Variants in ELAC1 observed in about 807,000 individuals in gnomAD.
ELAC1 encodes the protein zinc phosphodiesterase ELAC protein 1.
In ELAC1, 19 loss-of-function variants were observed where a neutral mutation model predicts 25.8. That is an observed-to-expected ratio of 0.74 (90% CI 0.51 to 1.08). ELAC1 has a LOEUF of 1.08. Among genes scored for constraint, ELAC1 ranks in the 50% least tolerant of loss-of-function variants. The pLI is 0.00. For missense variants in ELAC1, 403 were observed against 434.6 expected, an observed-to-expected ratio of 0.93 and a Z score of 0.65; for synonymous variants, 148 against 160.9, an observed-to-expected ratio of 0.92 and a Z score of 0.61.
At chr18:50,969,909 A>G (rs951359525) in intron 1 of ELAC1, 6 of 152,356 alleles carry the variant, frequency 3.9e-5, no homozygotes, top group African/African-American at 9.6e-5. Flanking sequence ...TGATCCATAC[A>G]TTGCAGTTCT....
chr18:50,976,043 G>C (rs912608931), intron 2 of ELAC1, among the ~76,000 whole-genome samples: 1 of 152,178 alleles, frequency 6.6e-6, no homozygotes, highest in African/African-American at 2.4e-5. Flanking sequence ...TTGAGTACTT[G>C]GCTAGGCTAG....
chr18:50,984,341 C>T lies in ELAC1; in HGVS notation c.403C>T (p.Leu135=). 1 of 1,614,164 alleles carries T rather than the reference C, an allele frequency of 6.2e-7. No individual in the cohort carries two copies. The highest frequency in any genetic ancestry group is 8.5e-7 in the Non-Finnish European group (1 of 1,180,010). Residue 135 remains leucine (L), a synonymous_variant, in exon 3 of 4, where the codon CTA becomes TTA. Coordinates refer to ENST00000269466, the MANE Select transcript of ELAC1 (RefSeq NM_018696.3). ...AGCAGATCAATGTCCTGCAGAAGAA[C>T]TAAAAGAATTTGCGCATGTGAATAG... ...PTADQCPAEE[L]KEFAHVNRAD...
rs1228141693 is a variant in ELAC1, at chr18:50,987,774, C to A, written c.*689C>A. 6.6e-6 allele frequency: 1 copy of A among 152,034 alleles called. No individual in the cohort carries two copies. The highest frequency in any genetic ancestry group is 1.5e-5 in the Non-Finnish European group (1 of 68,020). 9.4% of individuals were successfully genotyped at this position (152,034 alleles called of 1,614,324 possible). On this transcript the variant is annotated 3_prime_UTR_variant, in exon 4 of 4. Coordinates refer to ENST00000269466, the MANE Select transcript of ELAC1 (RefSeq NM_018696.3). ...ACTACTACTACTGGTATTTAGTCAGCAGGGATAAGGGATGTTAGCTGTCCT... is the reference window on the plus strand; with the variant it reads ...ACTACTACTACTGGTATTTAGTCAGAAGGGATAAGGGATGTTAGCTGTCCT...
At chr18:50,976,546 C>G (rs1211574450) in intron 2 of ELAC1, among the ~76,000 whole-genome samples, 1 of 152,096 alleles carries the variant, frequency 6.6e-6, no homozygotes, top group Non-Finnish European at 1.5e-5. Context: ...AGAACCTGCC[C>G]CCCATGATTC....
intron 1 of ELAC1, among the ~76,000 whole-genome samples, chr18:50,972,100 A>G (rs1458597846): frequency 6.7e-6 from 1 of 148,312 alleles, no homozygotes; most frequent in African/African-American, 2.5e-5. Flanking sequence ...GAGTCTCAAT[A>G]TATATAAAAG....
intron 1 of ELAC1, among the ~76,000 whole-genome samples, chr18:50,974,027 C>T (rs184729784): frequency 2.2e-4 from 34 of 152,346 alleles, no homozygotes; most frequent in Admixed American, 2.1e-3. Context: ...CTGCCTTAAA[C>T]ATCCCCTGTG....
At chr18:50,968,256 C>G (rs943082636) in intron 1 of ELAC1, 142 bp downstream of exon 1, 1 of 152,058 alleles carries the variant, frequency 6.6e-6, no homozygotes, top group Non-Finnish European at 1.5e-5. Context: ...CGCCCCGGGC[C>G]GGAGTCTCGG....
At chr18:50,971,562 T>G (rs1225886218) in intron 1 of ELAC1, among the ~76,000 whole-genome samples, 1 of 151,924 alleles carries the variant, frequency 6.6e-6, no homozygotes, top group African/African-American at 2.4e-5. Flanking sequence ...TGATTTTTGT[T>G]TTTTAATTTT....
rs181979017 is a variant in ELAC1 at position 50,978,957 on chromosome 18, T to C, written c.157+4396T>C. 2.0e-3 allele frequency among the ~76,000 whole-genome samples: 306 copies of C among 152,332 alleles called. 2 individuals are homozygous for C. The highest frequency in any genetic ancestry group is 5.3e-4 in the Non-Finnish European group (36 of 68,030). On this transcript the variant is annotated intron_variant, in intron 2 of 3. Coordinates refer to ENST00000269466, the MANE Select transcript of ELAC1 (RefSeq NM_018696.3). The stretch of plus-strand genomic sequence containing the variant: ...TTGAGATAATTCAGGTGCTATTCTT[T>C]GCTTTTCTTGGATCGTACAGAGATT...
At chr18:50,978,412 C>G (rs1907852802) in intron 2 of ELAC1, among the ~76,000 whole-genome samples, 1 of 152,120 alleles carries the variant, frequency 6.6e-6, no homozygotes, top group South Asian at 2.1e-4. Context: ...TGGTGGAAGG[C>G]AAAGGCAAAG....
At chr18:50,975,759 G>A (rs542947977) in intron 2 of ELAC1, among the ~76,000 whole-genome samples, 1 of 152,186 alleles carries the variant, frequency 6.6e-6, no homozygotes, top group South Asian at 2.1e-4. Flanking sequence ...GATGGAAACT[G>A]ACATGCAAAC....
At chr18:50,968,770 A>T (rs1012274438) in intron 1 of ELAC1, 1 of 152,228 alleles carries the variant, frequency 6.6e-6, no homozygotes, top group East Asian at 1.9e-4. Flanking sequence ...GTTTGCTCGC[A>T]TTTAATTCCT....
intron 1 of ELAC1, among the ~76,000 whole-genome samples, chr18:50,972,622 A>G (rs1907697580): frequency 6.6e-6 from 1 of 152,126 alleles, no homozygotes; most frequent in African/African-American, 2.4e-5. Flanking sequence ...AGCTGGGACT[A>G]CAGGTGTGCG....
chr18:50,980,971 AC>A (rs1405483263), intron 2 of ELAC1, among the ~76,000 whole-genome samples: 1 of 151,940 alleles, frequency 6.6e-6, no homozygotes, highest in Non-Finnish European at 1.5e-5. Flanking sequence ...AGCTTGTACT[AC>A]CTCTAGGGAT....
intron 2 of ELAC1, among the ~76,000 whole-genome samples, chr18:50,979,611 A>G (rs758836108): frequency 6.6e-6 from 1 of 152,206 alleles, no homozygotes; most frequent in African/African-American, 2.4e-5. Flanking sequence ...CACAAGTCCC[A>G]GCCACACTCA....
At chr18:50,973,438 G>T (rs537721916) in intron 1 of ELAC1, among the ~76,000 whole-genome samples, 1 of 152,322 alleles carries the variant, frequency 6.6e-6, no homozygotes, top group Non-Finnish European at 1.5e-5. Flanking sequence ...TCAACAGGTT[G>T]TTGCTGATCA....
intron 2 of ELAC1, among the ~76,000 whole-genome samples, chr18:50,980,173 A>G (rs1599147982): frequency 6.6e-6 from 1 of 152,066 alleles, no homozygotes; most frequent in South Asian, 2.1e-4. Flanking sequence ...CTCCATCTTT[A>G]CAAGAAATAA....
rs1467283079 is a variant in ELAC1 at position 50,986,745 on chromosome 18, T to G, written c.752T>G (p.Leu251Trp). 2 of 1,614,186 alleles carry G rather than the reference T, an allele frequency of 1.2e-6. No individual in the cohort carries two copies. Among genetic ancestry groups the G allele is most frequent in the Non-Finnish European group, 8.5e-7 (1 of 1,180,034 alleles). The stretch of plus-strand genomic sequence containing the variant: ...ATTGTTGGAAGAAAAATCTGCATAT[T>G]GGGTGACTGCTCTGGGGTTGTGGGT... ...KPIVGRKICI[L>W]GDCSGVVGDG... The change falls in exon 4 of 4, where the codon TTG becomes TGG. Residue 251 changes from leucine (L) to tryptophan (W), a missense_variant. Leu to Trp is a moderately conservative substitution (Grantham distance 61). Transcript: ENST00000269466.
At chr18:50,971,896 ATGTGTGTG>A (rs370758383) in intron 1 of ELAC1, among the ~76,000 whole-genome samples, 1 of 128,012 alleles carries the variant, frequency 7.8e-6, no homozygotes, top group African/African-American at 3.4e-5. Context: ...ATATGTATAT[ATGTGTGTG>A]TGTGTGTGTA....
Sources: gnomAD v4.1 joint callset for allele counts (sites outside exome capture counted in the v4.1 genomes callset) on GRCh38, gnomAD v4.1.1 for gene constraint, MANE v1.5 for transcripts, NCBI Gene and HGNC (gene_info 2026-07-23, HGNC 2026-07-21) for gene names.